Variants in DLG2 observed in about 807,000 individuals in gnomAD.
DLG2 encodes the protein disks large homolog 2.
DLG2 carries 45 observed loss-of-function variants against 132.5 expected under a neutral mutation model. That is an observed-to-expected ratio of 0.34 (90% CI 0.27 to 0.44). The LOEUF (loss-of-function observed/expected upper bound fraction) is 0.44, where lower values mean the gene tolerates loss of function less well. DLG2 is among the 20% of genes least tolerant of loss of function. DLG2 has a pLI of 1.00. For synonymous variants in DLG2, 424 were observed against 419.6 expected (o/e 1.01, Z -0.13); for missense variants, 1,045 against 1,196.9 (o/e 0.87, Z 1.87).
chr11:85,057,961 T>A (rs2063631406), intron 6 of DLG2, among the ~76,000 whole-genome samples: 1 of 151,550 alleles, frequency 6.6e-6, no homozygotes, highest in Non-Finnish European at 1.5e-5. Flanking sequence ...TGAAAAACAC[T>A]TTTGAAACAT....
intron 6 of DLG2, among the ~76,000 whole-genome samples, chr11:85,026,653 C>G (rs572285398): frequency 6.6e-6 from 1 of 151,898 alleles, no homozygotes; most frequent in Admixed American, 6.6e-5. Context: ...CTGGCTAACA[C>G]GGTGAAACCC....
chr11:85,099,609 T>G (rs1260380330), intron 6 of DLG2, among the ~76,000 whole-genome samples: 2 of 152,182 alleles, frequency 1.3e-5, no homozygotes, highest in Non-Finnish European at 2.9e-5. Flanking sequence ...TCCTGAATGT[T>G]GTAGGAAAAG....
At chr11:85,524,158 G>A (rs1476487353) in intron 3 of DLG2, among the ~76,000 whole-genome samples, 1 of 152,096 alleles carries the variant, frequency 6.6e-6, no homozygotes. Context: ...TAGAAAGCGT[G>A]AATAAGATCT....
rs77864267 is a variant in DLG2 at position 83,535,158 on chromosome 11, G to T, written c.2118-2375C>A. Among the ~76,000 whole-genome samples, 87 of 152,292 alleles carry T rather than the reference G, an allele frequency of 5.7e-4. 3 individuals are homozygous for T. The East Asian group carries it at 0.016, about 28-fold the overall frequency. ...TCTCGATTTTAATCCAAGGGCAAAT[G>T]ATAATTTATATTGATCTCTTTGTAT... is the stretch of plus-strand genomic sequence containing the variant. On this transcript the variant is annotated intron_variant, in intron 20 of 27. Coordinates refer to ENST00000376104, the MANE Select transcript of DLG2 (RefSeq NM_001142699.3).
chr11:85,149,506 A>G (rs1275895910), intron 5 of DLG2, among the ~76,000 whole-genome samples: 1 of 152,140 alleles, frequency 6.6e-6, no homozygotes, highest in Non-Finnish European at 1.5e-5. Context: ...CTTTGTTCTA[A>G]TAATCTTCTG....
intron 14 of DLG2, among the ~76,000 whole-genome samples, chr11:83,961,542 A>T (rs2088786625): frequency 6.6e-6 from 1 of 152,042 alleles, no homozygotes; most frequent in Non-Finnish European, 1.5e-5. Flanking sequence ...TAAAATGGAG[A>T]TGAAAGCCTT....
At chr11:84,836,552 T>G (rs17808541) in intron 6 of DLG2, among the ~76,000 whole-genome samples, 21,519 of 151,834 alleles carry the variant, frequency 0.14, 1,986 homozygotes, top group Non-Finnish European at 0.19. Flanking sequence ...TTATCATTAT[T>G]TTCTATTCAT....
chr11:84,563,859 T>A (rs76728208), intron 6 of DLG2, among the ~76,000 whole-genome samples: 8,207 of 152,218 alleles, frequency 0.054, 283 homozygotes, highest in African/African-American at 0.084. Context: ...CTGAAACATG[T>A]TTAGAGAACT....
intron 15 of DLG2, among the ~76,000 whole-genome samples, chr11:83,904,766 G>T (rs1317642780): frequency 6.6e-6 from 1 of 152,072 alleles, no homozygotes; most frequent in African/African-American, 2.4e-5. Flanking sequence ...CTACACTTGG[G>T]GTTCTTTTCC....
chr11:85,312,451 T>C (rs1352800239), intron 3 of DLG2, among the ~76,000 whole-genome samples: 1 of 151,354 alleles, frequency 6.6e-6, no homozygotes, highest in African/African-American at 2.4e-5. Context: ...ATTTAAATTA[T>C]AATTTATAAA....
chr11:85,272,453 C>G (rs1016051980), intron 4 of DLG2, among the ~76,000 whole-genome samples: 1 of 152,166 alleles, frequency 6.6e-6, no homozygotes, highest in African/African-American at 2.4e-5. Context: ...AGTCTGGAAA[C>G]TCAGGCAGAA....
intron 6 of DLG2, among the ~76,000 whole-genome samples, chr11:85,006,459 G>T (rs1262488497): frequency 6.6e-6 from 1 of 152,096 alleles, no homozygotes; most frequent in Admixed American, 6.5e-5. Flanking sequence ...TTTTGGGAAG[G>T]TATATGTGTC....
At chr11:84,355,369 AC>A (rs2098605043) in intron 7 of DLG2, among the ~76,000 whole-genome samples, 1 of 151,980 alleles carries the variant, frequency 6.6e-6, no homozygotes, top group Non-Finnish European at 1.5e-5. Flanking sequence ...AGGAAGTGGG[AC>A]CTTTGGGAGG....
intron 14 of DLG2, among the ~76,000 whole-genome samples, chr11:83,958,902 A>G (rs563738611): frequency 6.6e-6 from 1 of 152,284 alleles, no homozygotes; most frequent in South Asian, 2.1e-4. Context: ...GAAAGCCAAC[A>G]AATCACTCTG....
chr11:84,551,174 C>G (rs1309540038), intron 6 of DLG2, among the ~76,000 whole-genome samples: 1 of 152,170 alleles, frequency 6.6e-6, no homozygotes, highest in Non-Finnish European at 1.5e-5. Flanking sequence ...CACAATCAGA[C>G]ACTTTAATAA....
chr11:83,459,949 G>T, intron 27 of DLG2, 25 bp from the exon 28 acceptor site: 1 of 1,298,380 alleles, frequency 7.7e-7, no homozygotes, highest in Non-Finnish European at 1.1e-6. Context: ...AACACACCCA[G>T]AATTAGAAAT....
At chr11:84,877,151 TG>T (rs1409460443) in intron 6 of DLG2, among the ~76,000 whole-genome samples, 4 of 152,160 alleles carry the variant, frequency 2.6e-5, no homozygotes, top group Non-Finnish European at 4.4e-5. Context: ...CTGAGAAGAA[TG>T]TATATTCTGT....
At chr11:84,634,687 T>C (rs2099637606) in intron 6 of DLG2, among the ~76,000 whole-genome samples, 1 of 152,232 alleles carries the variant, frequency 6.6e-6, no homozygotes, top group African/African-American at 2.4e-5. Flanking sequence ...TAAACTTTGT[T>C]AAATTTAATT....
intron 20 of DLG2, among the ~76,000 whole-genome samples, chr11:83,536,823 T>C (rs1053591543): frequency 6.6e-6 from 1 of 152,164 alleles, no homozygotes; most frequent in African/African-American, 2.4e-5. Flanking sequence ...TTTAAGTGAA[T>C]TGCTGAACAA....
Sources: allele counts gnomAD v4.1 joint callset (sites outside exome capture counted in the v4.1 genomes callset), GRCh38; gene constraint gnomAD v4.1.1; transcripts MANE v1.5; gene names NCBI Gene and HGNC (gene_info 2026-07-23, HGNC 2026-07-21).